Variants in CRYBG1 observed in about 807,000 individuals in gnomAD.
CRYBG1 encodes the protein crystallin beta-gamma domain containing 1, also known as beta/gamma crystallin domain-containing protein 1.
CRYBG1 carries 139 observed loss-of-function variants against 189.2 expected under a neutral mutation model. The observed-to-expected ratio is 0.73, with a 90% CI of 0.64 to 0.85. The LOEUF (loss-of-function observed/expected upper bound fraction) is 0.85. CRYBG1 is among the 40% of genes least tolerant of loss of function. The pLI is 0.00. For synonymous variants in CRYBG1, 1,023 were observed against 1,017.1 expected (o/e 1.01, Z -0.11); for missense variants, 2,611 against 2,675.8 (o/e 0.98, Z 0.53).
At chr6:106,363,041 C>T (rs1301933124) in intron 1 of CRYBG1, among the ~76,000 whole-genome samples, 1 of 151,414 alleles carries the variant, frequency 6.6e-6, no homozygotes, top group Non-Finnish European at 1.5e-5. Context: ...GTCAGGAGAT[C>T]GAGACCATCC....
At chr6:106,374,202 C>T (rs551961446) in intron 1 of CRYBG1, among the ~76,000 whole-genome samples, 14 of 152,164 alleles carry the variant, frequency 9.2e-5, no homozygotes, top group East Asian at 7.7e-4. Flanking sequence ...CAATATTCAC[C>T]ATTAAAATGA....
intron 3 of CRYBG1, 124 bp from the exon 4 acceptor site, chr6:106,519,007 A>ACACACACC (rs1554188433): frequency 1.3e-5 from 13 of 1,027,098 alleles, no homozygotes; most frequent in African/African-American, 8.3e-5. Context: ...ACACACACAC[A>ACACACACC]CCACACTCCA....
chr6:106,558,340 A>G (rs1774609189), intron 17 of CRYBG1, 146 bp from the exon 18 acceptor site: 1 of 619,260 alleles, frequency 1.6e-6, no homozygotes, highest in African/African-American at 1.9e-5. Context: ...GTACACAAAC[A>G]TCCAGGCTCC....
chr6:106,521,647 C>G (rs1261153760), intron 4 of CRYBG1, among the ~76,000 whole-genome samples, 194 bp downstream of exon 4: 2 of 148,392 alleles, frequency 1.3e-5, no homozygotes, highest in African/African-American at 4.9e-5. Context: ...TACTAAGAGT[C>G]TTCACTGAAG....
intron 2 of CRYBG1, 33 bp from the exon 3 acceptor site, chr6:106,511,397 A>T: frequency 6.7e-7 from 1 of 1,499,450 alleles, no homozygotes; most frequent in East Asian, 2.5e-5. Flanking sequence ...CCAGATTCTC[A>T]TATGTTCCCT....
chr6:106,395,480 C>G (rs1055217532), intron 1 of CRYBG1, among the ~76,000 whole-genome samples: 1 of 151,622 alleles, frequency 6.6e-6, no homozygotes, highest in Non-Finnish European at 1.5e-5. Context: ...ATTCGTTTTT[C>G]AAATAAATAT....
At chr6:106,424,509 T>TG (rs1442100516) in intron 1 of CRYBG1, among the ~76,000 whole-genome samples, 1 of 152,114 alleles carries the variant, frequency 6.6e-6, no homozygotes, top group Non-Finnish European at 1.5e-5. Context: ...TCACCCAGGC[T>TG]GGAGTGAAAT....
chr6:106,499,526 A>G (rs542746719), intron 2 of CRYBG1, among the ~76,000 whole-genome samples: 1 of 151,846 alleles, frequency 6.6e-6, no homozygotes, highest in African/African-American at 2.4e-5. Context: ...AAATAATTTT[A>G]TATATGGGGT....
intron 17 of CRYBG1, among the ~76,000 whole-genome samples, chr6:106,558,240 TCCCCC>T (rs1396053031): frequency 5.3e-5 from 8 of 149,638 alleles, no homozygotes; most frequent in Non-Finnish European, 5.9e-5. Flanking sequence ...CTTTTTTTTT[TCCCCC>T]TGTTTTACAA....
intron 21 of CRYBG1, among the ~76,000 whole-genome samples, chr6:106,567,601 G>A (rs1774928393): frequency 6.6e-6 from 1 of 152,038 alleles, no homozygotes; most frequent in Admixed American, 6.6e-5. Context: ...CTTTGATGGG[G>A]TCTTTGTTGA....
At chr6:106,460,126 A>G (rs1448402177) in intron 2 of CRYBG1, among the ~76,000 whole-genome samples, 1 of 149,508 alleles carries the variant, frequency 6.7e-6, no homozygotes, top group Non-Finnish European at 1.5e-5. Flanking sequence ...AGCTGGGACT[A>G]CAGGCGCCCG....
In CRYBG1 at chr6:106,519,131, C is replaced by T; in HGVS notation, c.1923C>T (p.Leu641=). The T allele has an allele frequency of 1.2e-6, 2 of 1,607,708 alleles. No individual in the cohort carries two copies. The highest frequency in any genetic ancestry group is 1.7e-6 in the Non-Finnish European group (2 of 1,176,836). ...TTATCTTCCTGCTTTTTCCTCACAG[C>T]CCTGCCAAGCCCAAACATGTGGAAC... ...GRSTVTTKVT[L]PAKPKHVELN... is the part of the protein sequence containing the mutation. Residue 641 remains leucine (L), a splice_region_variant and synonymous_variant, in exon 4 of 22, where the codon CTC becomes CTT. Coordinates refer to ENST00000633556, the MANE Select transcript of CRYBG1 (RefSeq NM_001371242.2).
Position 106,521,063 on chromosome 6 carries a change from G to A in CRYBG1, c.3855G>A (p.Gln1285=). The A allele has an allele frequency of 6.2e-7, 1 of 1,614,130 alleles. No individual in the cohort carries two copies. The highest frequency in any genetic ancestry group is 8.5e-7 in the Non-Finnish European group (1 of 1,180,024). The change falls in exon 4 of 22, where the codon CAG becomes CAA. Residue 1285 remains glutamine (Q), a synonymous_variant. Coordinates refer to ENST00000633556, the MANE Select transcript of CRYBG1 (RefSeq NM_001371242.2). ...NGSLSQSSVS[Q]PTTEGAPPCG... The stretch of plus-strand genomic sequence containing the variant: ...CCCTATCTCAGTCTTCAGTGTCACA[G>A]CCCACGACTGAGGGTGCCCCGCCCT...
chr6:106,470,361 T>A (rs1433060877), intron 2 of CRYBG1, among the ~76,000 whole-genome samples: 1 of 152,058 alleles, frequency 6.6e-6, no homozygotes, highest in East Asian at 1.9e-4. Context: ...AGCCTACCAT[T>A]CCTTCATTGG....
intron 1 of CRYBG1, among the ~76,000 whole-genome samples, chr6:106,397,374 T>A (rs1770632787): frequency 6.6e-6 from 1 of 152,192 alleles, no homozygotes; most frequent in Non-Finnish European, 1.5e-5. Context: ...AACTTATTCA[T>A]CCTGCATAAC....
chr6:106,399,405 T>C (rs1199578126), intron 1 of CRYBG1, among the ~76,000 whole-genome samples: 1 of 152,242 alleles, frequency 6.6e-6, no homozygotes, highest in Non-Finnish European at 1.5e-5. Flanking sequence ...TTATAACTTA[T>C]TTGATGCCCT....
intron 1 of CRYBG1, among the ~76,000 whole-genome samples, chr6:106,391,566 A>C (rs1770501275): frequency 7.6e-6 from 1 of 131,060 alleles, no homozygotes; most frequent in Non-Finnish European, 1.7e-5. Flanking sequence ...CCAGACCATC[A>C]GTCTTTTTTT....
chr6:106,534,762 A>G (rs1261932818), intron 8 of CRYBG1, among the ~76,000 whole-genome samples: 1 of 152,078 alleles, frequency 6.6e-6, no homozygotes, highest in Non-Finnish European at 1.5e-5. Context: ...CAGCTGGCTA[A>G]TCCTGGCACC....
chr6:106,544,980 G>C, intron 13 of CRYBG1, 47 bp downstream of exon 13: 1 of 1,538,856 alleles, frequency 6.5e-7, no homozygotes, highest in Non-Finnish European at 8.8e-7. Flanking sequence ...GTTTTACCTT[G>C]GTTTGTTTTA....
Sources: gnomAD v4.1 joint callset for allele counts (sites outside exome capture counted in the v4.1 genomes callset) on GRCh38, gnomAD v4.1.1 for gene constraint, MANE v1.5 for transcripts, NCBI Gene and HGNC (gene_info 2026-07-23, HGNC 2026-07-21) for gene names.